The following KDM2B variants were observed in gnomAD, a reference collection of about 807,000 sequenced individuals.
KDM2B encodes lysine-specific demethylase 2B.
In KDM2B, 26 loss-of-function variants were observed where a neutral mutation model predicts 150.0. The observed-to-expected ratio is 0.17, with a 90% CI of 0.13 to 0.24. KDM2B has a LOEUF of 0.24. KDM2B is among the 10% of genes least tolerant of loss of function. The pLI, the probability that KDM2B is intolerant of heterozygous loss-of-function variation, is 1.00. For synonymous variants in KDM2B, 734 were observed against 729.5 expected (o/e 1.01, Z -0.10); for missense variants, 1,265 against 1,816.9 (o/e 0.70, Z 5.52).
At chr12:121,543,564 G>A (rs1888772061) in intron 6 of KDM2B, among the ~76,000 whole-genome samples, 1 of 152,058 alleles carries the variant, frequency 6.6e-6, no homozygotes, top group Non-Finnish European at 1.5e-5. Flanking sequence ...GGTGGCTCAT[G>A]CCTGTAATCC....
intron 11 of KDM2B, among the ~76,000 whole-genome samples, chr12:121,501,050 G>C (rs1423613705): frequency 6.6e-6 from 1 of 151,730 alleles, no homozygotes; most frequent in Non-Finnish European, 1.5e-5. Context: ...GTGGTGAGGC[G>C]AGATCACACC....
chr12:121,461,304 G>T (rs1008334341), intron 12 of KDM2B, among the ~76,000 whole-genome samples: 1 of 152,180 alleles, frequency 6.6e-6, no homozygotes, highest in African/African-American at 2.4e-5. Flanking sequence ...CTCTGAAGTG[G>T]CTGGAGCCTC....
At chr12:121,466,836 G>C (rs1593849123) in intron 12 of KDM2B, among the ~76,000 whole-genome samples, 2 of 146,046 alleles carry the variant, frequency 1.4e-5, no homozygotes, top group African/African-American at 4.9e-5. Context: ...CGCGGCCGCC[G>C]GCAACTTGCC....
At chr12:121,414,084 T>A in the KDM2B span, among the ~76,000 whole-genome samples, 1 of 152,244 alleles carries the variant, frequency 6.6e-6, no homozygotes, top group African/African-American at 2.4e-5. Context: ...AAGTGCCTTT[T>A]GCATTTTAAG....
intron 12 of KDM2B, among the ~76,000 whole-genome samples, chr12:121,478,944 C>T (rs1216069664): frequency 3.3e-5 from 5 of 149,494 alleles, no homozygotes; most frequent in Admixed American, 6.7e-5. Flanking sequence ...TCTCAAGCTC[C>T]TGGGCTCAAC....
chr12:121,500,469 C>T (rs538384227), intron 11 of KDM2B, among the ~76,000 whole-genome samples: 1 of 152,362 alleles, frequency 6.6e-6, no homozygotes, highest in Non-Finnish European at 1.5e-5. Flanking sequence ...GCCAACTTCT[C>T]TCAAAGAGAT....
intron 13 of KDM2B, among the ~76,000 whole-genome samples, chr12:121,446,796 G>A (rs1351624107): frequency 1.3e-5 from 2 of 152,190 alleles, no homozygotes; most frequent in African/African-American, 4.8e-5. Context: ...AACCCGCACA[G>A]CTTCCCAATA....
chr12:121,556,827 G>A (rs184663793), intron 4 of KDM2B, among the ~76,000 whole-genome samples: 117 of 151,178 alleles, frequency 7.7e-4, no homozygotes, highest in Admixed American at 1.8e-3. Context: ...ACTCCAACCT[G>A]GGCGACAGAG....
Position 121,453,652 on chromosome 12 carries a change from A to C in KDM2B, c.1735-308T>G, listed in dbSNP as rs1455795091. 6.6e-6 allele frequency among the ~76,000 whole-genome samples: 1 copy of C among 152,148 alleles called. No individual in the cohort carries two copies. Among genetic ancestry groups the C allele is most frequent in the Non-Finnish European group, 1.5e-5 (1 of 68,016 alleles). On this transcript the variant is annotated intron_variant, in intron 12 of 22. Coordinates refer to ENST00000377071, the MANE Select transcript of KDM2B (RefSeq NM_032590.5). The surrounding 1 kb of genome is among the most constrained non-coding windows in gnomAD (Gnocchi z 6.4). ...AAGACACAGGCCTTCCACAGACTGG[A>C]GCCCTGTCTACAAGCCAAGAAGTGC...
At chr12:121,458,751 A>T (rs1878672768) in intron 12 of KDM2B, among the ~76,000 whole-genome samples, 1 of 152,086 alleles carries the variant, frequency 6.6e-6, no homozygotes, top group African/African-American at 2.4e-5. Flanking sequence ...CAGTGAGCCA[A>T]GATCATGACA....
chr12:121,531,305 G>C (rs1887643903), intron 8 of KDM2B, among the ~76,000 whole-genome samples: 1 of 152,150 alleles, frequency 6.6e-6, no homozygotes, highest in Non-Finnish European at 1.5e-5. Context: ...TCCCTAATAG[G>C]GAAGTCTCCA....
chr12:121,419,900 A>G, the KDM2B span: 1 of 180,484 alleles, frequency 5.5e-6, no homozygotes, highest in Admixed American at 5.4e-5. Context: ...CAGTTAAACT[A>G]GCCATTTGCA....
intron 9 of KDM2B, chr12:121,516,865 T>TA (rs1886248056): frequency 4.3e-6 from 2 of 467,106 alleles, no homozygotes; most frequent in Non-Finnish European, 7.2e-6. Context: ...GTTTTTCTCC[T>TA]GGAAAAAAAA....
chr12:121,525,960 C>G (rs782765514), intron 8 of KDM2B, among the ~76,000 whole-genome samples: 1 of 152,194 alleles, frequency 6.6e-6, no homozygotes, highest in African/African-American at 2.4e-5. Flanking sequence ...CTGGATGCCA[C>G]CTGGCTGGAT....
rs1888269534 is a variant in KDM2B, at chr12:121,537,830, C to T, written c.684-3240G>A. 6.6e-6 allele frequency among the ~76,000 whole-genome samples: 1 copy of T among 151,828 alleles called. No homozygotes were observed. Among genetic ancestry groups the T allele is most frequent in the Admixed American group, 6.6e-5 (1 of 15,256 alleles). ...CGGCTCCGCGACGCCGGCCCTGTAG[C>T]CCGCGGGCGGGAGGCCACCCACACC... On this transcript the variant is annotated intron_variant, in intron 6 of 22. Transcript: ENST00000377071. The surrounding 1 kb of genome is among the most constrained non-coding windows in gnomAD (Gnocchi z 8.7).
Position 121,444,410 on chromosome 12 carries a change from C to T in KDM2B, c.2190+40G>A, listed in dbSNP as rs781811742. 1.9e-6 allele frequency: 3 copies of T among 1,612,054 alleles called. No individual in the cohort carries two copies. The South Asian group carries it at 3.3e-5, about 18-fold the overall frequency. ...GTCCCGGCCAGGCCCAGGCCCGCCC[C>T]TCTCCCGACTGACCCTGGGACTTGG... On this transcript the variant is annotated intron_variant, in intron 15 of 22. Transcript: ENST00000377071.
chr12:121,509,610 G>T lies in KDM2B; in HGVS notation c.1604C>A (p.Pro535His). 1 of 1,613,706 alleles carries T rather than the reference G, an allele frequency of 6.2e-7. No individual in the cohort carries two copies. Among genetic ancestry groups the T allele is most frequent in the Non-Finnish European group, 8.5e-7 (1 of 1,179,950 alleles). Residue 535 changes from proline to histidine, a missense_variant, in exon 11 of 23, where the codon CCC (proline) becomes CAC (histidine). By Grantham distance (77) the Pro-to-His change is moderately conservative (BLOSUM62 -2). This residue lies in a region of KDM2B where 20 missense variants were observed against 49.5 expected (regional missense o/e 0.40). Transcript: ENST00000377071. ...ESLPENKKCV[P>H]EGIEDPQALL... ...TGCCTGGGGGTCCTCGATGCCCTCG[G>T]GGACACACTTCTTGTTCTCCGGGAG...
intron 19 of KDM2B, among the ~76,000 whole-genome samples, chr12:121,441,601 T>C (rs1875066282): frequency 6.6e-6 from 1 of 152,124 alleles, no homozygotes; most frequent in Admixed American, 6.5e-5. Flanking sequence ...CACACCCGGC[T>C]AATTTTTTTA....
chr12:121,504,658 C>G (rs1555302639), intron 11 of KDM2B, among the ~76,000 whole-genome samples: 1 of 152,116 alleles, frequency 6.6e-6, no homozygotes, highest in African/African-American at 2.4e-5. Flanking sequence ...GGACTGTCCA[C>G]AGTGATAAAA....
Sources: allele counts gnomAD v4.1 joint callset (sites outside exome capture counted in the v4.1 genomes callset), GRCh38; gene constraint gnomAD v4.1.1; regional missense constraint gnomAD v4.1.1; non-coding constraint Gnocchi (gnomAD v3.1); transcripts MANE v1.5; gene names NCBI Gene and HGNC (gene_info 2026-07-23, HGNC 2026-07-21).